BACE2: variants seen among roughly 807,000 people sequenced by gnomAD.
BACE2 encodes the protein beta-secretase 2.
A neutral mutation model predicts 46.2 loss-of-function variants in BACE2; 17 were observed. The ratio of observed to expected loss-of-function variants is 0.37; its 90% confidence interval spans 0.25 to 0.55. The LOEUF (loss-of-function observed/expected upper bound fraction) is 0.55. Ranked by LOEUF, BACE2 falls within the 20% of genes least tolerant of loss-of-function variation. The pLI, the probability that BACE2 is intolerant of heterozygous loss-of-function variation, is 0.82. For synonymous variants in BACE2, 277 were observed against 295.9 expected, an observed-to-expected ratio of 0.94 and a Z score of 0.66; for missense variants, 595 against 698.1, an observed-to-expected ratio of 0.85 and a Z score of 1.66.
intron 1 of BACE2, among the ~76,000 whole-genome samples, chr21:41,223,187 C>G (rs12627467): frequency 6.6e-6 from 1 of 151,932 alleles, no homozygotes; most frequent in African/African-American, 2.4e-5. Context: ...GACCCCATCT[C>G]TACAAAAAAT....
In BACE2 at chr21:41,271,655, G is replaced by A. The variant is rs142779427; in HGVS notation, c.1304-3716G>A. 2.1e-3 allele frequency among the ~76,000 whole-genome samples: 311 copies of A among 150,840 alleles called. 1 individual carries two copies. The highest frequency in any genetic ancestry group is 5.9e-3 in the African/African-American group (242 of 41,052). ...AGTTTATTAGCTATAACTCTATATC[G>A]TGAAATTTTAGTGGTTGCTTTAGAA... On this transcript the variant is annotated intron_variant, in intron 8 of 8. Coordinates refer to ENST00000330333, the MANE Select transcript of BACE2 (RefSeq NM_012105.5).
rs150460277 is a variant in BACE2, at chr21:41,201,435, G to A, written c.313-24831G>A. Among the ~76,000 whole-genome samples, 16 of 152,322 alleles carry A rather than the reference G, an allele frequency of 1.1e-4. No individual in the cohort carries two copies. In the East Asian group the frequency reaches 2.7e-3, roughly 26 times the overall value. ...CAGTTATCCAAGGGCTGAAGCCATCGAGCTGCCTGCCTTCTGAGCACTTGA... is the reference window on the plus strand; with the variant it reads ...CAGTTATCCAAGGGCTGAAGCCATCAAGCTGCCTGCCTTCTGAGCACTTGA... On this transcript the variant is annotated intron_variant, in intron 1 of 8. Transcript: ENST00000330333.
chr21:41,241,718 TA>T, intron 3 of BACE2, 100 bp from the exon 4 acceptor site: 1 of 1,407,160 alleles, frequency 7.1e-7, no homozygotes. Flanking sequence ...AAATTGAGTA[TA>T]AACACCAGGA....
intron 1 of BACE2, chr21:41,225,347 C>T: frequency 6.6e-6 from 1 of 152,304 alleles, no homozygotes; most frequent in Non-Finnish European, 1.5e-5. Flanking sequence ...GTGTCCATAG[C>T]TGTCTTATTC....
chr21:41,226,437 C>T, intron 2 of BACE2, 83 bp downstream of exon 2: 1 of 1,258,428 alleles, frequency 7.9e-7, no homozygotes, highest in Non-Finnish European at 1.1e-6. Flanking sequence ...AGCATGACAG[C>T]CAGAAAGCTG....
chr21:41,168,663 GC>G, intron 1 of BACE2, 88 bp downstream of exon 1: 1 of 1,036,988 alleles, frequency 9.6e-7, no homozygotes, highest in Non-Finnish European at 1.2e-6. Context: ...GCTTAGCGTC[GC>G]CCCCAAAGCA....
chr21:41,226,071 C>T (rs138935906), intron 1 of BACE2, among the ~76,000 whole-genome samples, 195 bp from the exon 2 acceptor site: 1 of 152,348 alleles, frequency 6.6e-6, no homozygotes, highest in Non-Finnish European at 1.5e-5. Context: ...CTCTCCAGTG[C>T]AAGCTTCTTC....
intron 1 of BACE2, 135 bp downstream of exon 1, chr21:41,168,710 A>ATGTGGG: frequency 3.8e-6 from 1 of 266,452 alleles, no homozygotes; most frequent in Non-Finnish European, 6.4e-6. Context: ...GGGAACGCAG[A>ATGTGGG]GGGGCTCGGG....
rs1185220957 is a variant in BACE2, at chr21:41,250,732, T to C, written c.985-20T>C. ...GTGCCAGACTAGTCATGGTTTCTGA[T>C]GTGATCTTGTTTTGTCTAGATTCCA... On this transcript the variant is annotated intron_variant, in intron 6 of 8. Coordinates refer to ENST00000330333, the MANE Select transcript of BACE2 (RefSeq NM_012105.5). 2.5e-6 allele frequency: 4 copies of C among 1,613,568 alleles called. No homozygotes were observed. The highest frequency in any genetic ancestry group is 2.2e-5 in the East Asian group (1 of 44,844).
At chr21:41,187,713 G>A (rs913554582) in intron 1 of BACE2, among the ~76,000 whole-genome samples, 3 of 152,024 alleles carry the variant, frequency 2.0e-5, no homozygotes, top group African/African-American at 4.8e-5. Context: ...TGGTTGGGGG[G>A]CAAAGGGTGA....
intron 1 of BACE2, among the ~76,000 whole-genome samples, chr21:41,172,924 A>AGTGTCTG (rs910955767): frequency 6.6e-6 from 1 of 152,114 alleles, no homozygotes; most frequent in African/African-American, 2.4e-5. Flanking sequence ...CCCTCTTCTT[A>AGTGTCTG]GTGTCTGATG....
chr21:41,227,304 GA>G (rs1395631254), intron 2 of BACE2, among the ~76,000 whole-genome samples: 2 of 152,170 alleles, frequency 1.3e-5, no homozygotes, highest in African/African-American at 4.8e-5. Flanking sequence ...TAGAGGCTCG[GA>G]ACTGTCACAT....
intron 6 of BACE2, among the ~76,000 whole-genome samples, chr21:41,246,738 A>G (rs965630291): frequency 1.3e-5 from 2 of 152,180 alleles, no homozygotes; most frequent in African/African-American, 4.8e-5. Flanking sequence ...CAGTCAGTTC[A>G]GGGCAATAAA....
chr21:41,222,480 A>T (rs1187125548), intron 1 of BACE2, among the ~76,000 whole-genome samples: 1 of 152,210 alleles, frequency 6.6e-6, no homozygotes, highest in African/African-American at 2.4e-5. Flanking sequence ...GCCAGGGGAA[A>T]GGCCCTGCCC....
chr21:41,199,313 C>T (rs1235286174), intron 1 of BACE2, among the ~76,000 whole-genome samples: 2 of 152,036 alleles, frequency 1.3e-5, no homozygotes, highest in African/African-American at 2.4e-5. Flanking sequence ...CCTTCCTACC[C>T]TCCCTCCCTG....
At chr21:41,254,954 GAGAC>G (rs1408562157) in intron 7 of BACE2, among the ~76,000 whole-genome samples, 1 of 152,248 alleles carries the variant, frequency 6.6e-6, no homozygotes, top group Non-Finnish European at 1.5e-5. Flanking sequence ...TGGATCCCAA[GAGAC>G]GAGGACAGTG....
chr21:41,260,848 C>A (rs1987917139), intron 8 of BACE2, among the ~76,000 whole-genome samples: 1 of 152,168 alleles, frequency 6.6e-6, no homozygotes, highest in South Asian at 2.1e-4. Flanking sequence ...CTACCGTATA[C>A]TTATCACAAA....
chr21:41,170,084 A>G (rs1219770104), intron 1 of BACE2, among the ~76,000 whole-genome samples: 1 of 152,194 alleles, frequency 6.6e-6, no homozygotes, highest in Non-Finnish European at 1.5e-5. Context: ...ATGCGAGGGA[A>G]TTCTCTCTAC....
chr21:41,168,371 C>G lies in BACE2; in HGVS notation c.108C>G (p.Ala36=). 7.2e-7 allele frequency: 1 copy of G among 1,397,140 alleles called. No individual in the cohort carries two copies. Among genetic ancestry groups the G allele is most frequent in the Non-Finnish European group, 9.3e-7 (1 of 1,071,992 alleles). 86.5% of individuals were successfully genotyped at this position (1,397,140 alleles called of 1,614,324 possible). A position where few individuals can be genotyped will look rare whatever the true frequency, so the allele number is the denominator to read the frequency against. The stretch of plus-strand genomic sequence containing the variant: ...CCTTCACGCTGCCCCTCCGGGTGGC[C>G]GCGGCCACGAACCGCGTAGTTGCGC... ...PAPFTLPLRV[A]AATNRVVAPT... is the part of the protein sequence containing the mutation. The change falls in exon 1 of 9, where the codon GCC becomes GCG. Residue 36 remains alanine, a synonymous_variant. Coordinates refer to ENST00000330333, the MANE Select transcript of BACE2 (RefSeq NM_012105.5).
Sources: allele counts gnomAD v4.1 joint callset (sites outside exome capture counted in the v4.1 genomes callset), GRCh38; gene constraint gnomAD v4.1.1; transcripts MANE v1.5; gene names NCBI Gene and HGNC (gene_info 2026-07-23, HGNC 2026-07-21).